Variants in LRRTM2 observed in about 807,000 individuals in gnomAD.
LRRTM2 encodes the protein leucine-rich repeat transmembrane neuronal protein 2.
In LRRTM2, 14 loss-of-function variants were observed where a neutral mutation model predicts 40.7. The observed-to-expected ratio is 0.34, with a 90% confidence interval of 0.23 to 0.54. The LOEUF is 0.54. LRRTM2 is among the 20% of genes least tolerant of loss of function. The pLI is 0.92. For synonymous variants in LRRTM2, 223 were observed against 237.6 expected, an observed-to-expected ratio of 0.94 and a Z score of 0.57; for missense variants, 468 against 624.4, an observed-to-expected ratio of 0.75 and a Z score of 2.67.
chr5:138,870,560 G>A lies in LRRTM2; in HGVS notation c.*2450C>T, dbSNP rs546093807. On this transcript the variant is annotated 3_prime_UTR_variant, in exon 2 of 2. Transcript: ENST00000274711. ...GTACACTAAGGATTTTGCCAGTTAT[G>A]GTCCTTTAAGGATTAAGGTGGAGAT... The A allele has an allele frequency of 2.4e-4, 37 of 152,264 alleles. 1 individual carries two copies. The South Asian group carries it at 3.1e-3, about 13-fold the overall frequency. The allele number at this position is 152,264 out of a possible 1,614,324, so 9.4% of individuals were successfully genotyped here.
In LRRTM2 at chr5:138,873,751, C is replaced by T. The variant is rs1581382828; in HGVS notation, c.810G>A (p.Leu270=). Residue 270 remains leucine, a synonymous_variant, in exon 2 of 2, where the codon TTG becomes TTA. Coordinates refer to ENST00000274711, the MANE Select transcript of LRRTM2 (RefSeq NM_015564.3). This position sits in a 1 kb window ranked among gnomAD's most constrained non-coding sequence, Gnocchi z 6.1. ...GATTGGGCATCGTTTCAAACACTGT[C>T]AAGTCGATGGCTTTGATTTCATTTC... is the stretch of plus-strand genomic sequence containing the variant. The part of the protein sequence containing the change: ...LTGNEIKAID[L]TVFETMPNLK... The T allele has an allele frequency of 6.2e-7, 1 of 1,614,000 alleles. No homozygotes were observed. The highest frequency in any genetic ancestry group is 1.3e-5 in the African/African-American group (1 of 75,040).
rs893104563 is a variant in LRRTM2, at chr5:138,869,751, G to A, written c.*3259C>T. The A allele has an allele frequency of 5.9e-5, 9 of 152,574 alleles. No homozygotes were observed. The highest frequency in any genetic ancestry group is 2.2e-4 in the African/African-American group (9 of 41,450). 9.5% of individuals were successfully genotyped at this position (152,574 alleles called of 1,614,324 possible). A position where few individuals can be genotyped will look rare whatever the true frequency, so the allele number is the denominator to read the frequency against. ...GGATTTTAATAATTAGTGGCGTTGG[G>A]AAGTTCAGTCAATTCCATTTATTGA... On this transcript the variant is annotated 3_prime_UTR_variant, in exon 2 of 2. Coordinates refer to ENST00000274711, the MANE Select transcript of LRRTM2 (RefSeq NM_015564.3).
Position 138,875,138 on chromosome 5 carries a change from T to G in LRRTM2, c.-227A>C. 2.1e-6 allele frequency: 1 copy of G among 476,656 alleles called. No individual in the cohort carries two copies. Among genetic ancestry groups the G allele is most frequent in the Non-Finnish European group, 3.7e-6 (1 of 272,246 alleles). The allele number at this position is 476,656 out of a possible 1,614,324, so 29.5% of individuals were successfully genotyped here. A position where few individuals can be genotyped will look rare whatever the true frequency, so the allele number is the denominator to read the frequency against. ...GTGATTGCTCTGATCCCTAAATCAG[T>G]TTTGAATATAAGTTATTAAATTTCT... On this transcript the variant is annotated 5_prime_UTR_variant, in exon 1 of 2. Coordinates refer to ENST00000274711, the MANE Select transcript of LRRTM2 (RefSeq NM_015564.3).
chr5:138,870,479 G>A lies in LRRTM2; in HGVS notation c.*2531C>T, dbSNP rs1285123759. 1 of 152,266 alleles carries A rather than the reference G, an allele frequency of 6.6e-6. No individual in the cohort carries two copies. The highest frequency in any genetic ancestry group is 2.4e-5 in the African/African-American group (1 of 41,538). The allele number at this position is 152,266 out of a possible 1,614,324, so 9.4% of individuals were successfully genotyped here. A position where few individuals can be genotyped will look rare whatever the true frequency, so the allele number is the denominator to read the frequency against. Reference sequence around the variant, plus strand: ...TGGAAAGTATGCCTCGCTAGCCTTGGCTATGCTGTTCCTCTGAATTAGTAA... The same window carrying A: ...TGGAAAGTATGCCTCGCTAGCCTTGACTATGCTGTTCCTCTGAATTAGTAA... On this transcript the variant is annotated 3_prime_UTR_variant, in exon 2 of 2. Coordinates refer to ENST00000274711, the MANE Select transcript of LRRTM2 (RefSeq NM_015564.3).
rs1472238880 is a variant in LRRTM2 at position 138,874,983 on chromosome 5, C to CT, written c.-73dup. Reference sequence around the variant, plus strand: ...CAACGCAGTGAGTCTGTAAAAGGCTCTAACATGTAGGAGCCTTTGACCAGT... The same window carrying CT: ...CAACGCAGTGAGTCTGTAAAAGGCTCTTAACATGTAGGAGCCTTTGACCAGT... On this transcript the variant is annotated 5_prime_UTR_variant, in exon 1 of 2. An upstream open reading frame in the 5' UTR loses its in-frame stop. Coordinates refer to ENST00000274711, the MANE Select transcript of LRRTM2 (RefSeq NM_015564.3). This position sits in a 1 kb window ranked among gnomAD's most constrained non-coding sequence, Gnocchi z 4.1. 1.9e-6 allele frequency: 3 copies of CT among 1,545,576 alleles called. No individual in the cohort carries two copies. The highest frequency in any genetic ancestry group is 1.7e-5 in the Admixed American group (1 of 58,504).
rs545731102 is a variant in LRRTM2, at chr5:138,870,020, A to G, written c.*2990T>C. ...GGTTTCTAGATGGGTATGGTATCAT[A>G]GTCTTCTTTAGCTTTCCTTTTTCCA... On this transcript the variant is annotated 3_prime_UTR_variant, in exon 2 of 2. Coordinates refer to ENST00000274711, the MANE Select transcript of LRRTM2 (RefSeq NM_015564.3). 1.3e-5 allele frequency: 2 copies of G among 152,658 alleles called. No individual in the cohort carries two copies. Among genetic ancestry groups the G allele is most frequent in the East Asian group, 3.9e-4 (2 of 5,186 alleles). The allele number at this position is 152,658 out of a possible 1,614,324, so 9.5% of individuals were successfully genotyped here.
chr5:138,872,751 C>T lies in LRRTM2; in HGVS notation c.*259G>A, dbSNP rs185124484. 5.3e-3 allele frequency: 1,879 copies of T among 354,390 alleles called. 26 individuals are homozygous for T. Among genetic ancestry groups the T allele is most frequent in the South Asian group, 0.041 (687 of 16,556 alleles). 22.0% of individuals were successfully genotyped at this position (354,390 alleles called of 1,614,324 possible). A position where few individuals can be genotyped will look rare whatever the true frequency, so the allele number is the denominator to read the frequency against. On this transcript the variant is annotated 3_prime_UTR_variant, in exon 2 of 2. Coordinates refer to ENST00000274711, the MANE Select transcript of LRRTM2 (RefSeq NM_015564.3). ...GTTTACACACGATTGTATATAATTACATACATTTCTTATTTTGAAGTAAGC... is the reference window on the plus strand; with the variant it reads ...GTTTACACACGATTGTATATAATTATATACATTTCTTATTTTGAAGTAAGC...
rs557079118 is a variant in LRRTM2, at chr5:138,872,444, C to G, written c.*566G>C. The G allele has an allele frequency of 1.3e-5, 2 of 152,510 alleles. No homozygotes were observed. The highest frequency in any genetic ancestry group is 2.1e-4 in the South Asian group (1 of 4,822). The allele number at this position is 152,510 out of a possible 1,614,324, so 9.4% of individuals were successfully genotyped here. ...TGGACTTTGATAATATCTACTAACC[C>G]AGGCAGAAACTCTGGAAGGAGAATG... On this transcript the variant is annotated 3_prime_UTR_variant, in exon 2 of 2. Coordinates refer to ENST00000274711, the MANE Select transcript of LRRTM2 (RefSeq NM_015564.3).
rs781776155 is a variant in LRRTM2 at position 138,873,423 on chromosome 5, C to T, written c.1138G>A (p.Glu380Lys). ...MATTYRDPTT[E>K]YTKRISSSSY... ...GATGAGCTTATTCTTTTTGTATATT[C>T]AGTGGTTGGATCTCTATAAGTTGTA... The change falls in exon 2 of 2, where the codon GAA becomes AAA. Residue 380 changes from glutamate to lysine, a missense_variant. Coordinates refer to ENST00000274711, the MANE Select transcript of LRRTM2 (RefSeq NM_015564.3). The surrounding 1 kb of genome is among the most constrained non-coding windows in gnomAD (Gnocchi z 6.1). The T allele has an allele frequency of 1.2e-6, 2 of 1,613,986 alleles. No homozygotes were observed. Among genetic ancestry groups the T allele is most frequent in the African/African-American group, 1.3e-5 (1 of 75,050 alleles).
In LRRTM2 at chr5:138,873,640, A is replaced by C; in HGVS notation, c.921T>G (p.Gly307=). The part of the protein sequence containing the change: ...LNSLRSLTTV[G]LSGNLWECSA... ...TGCATTCCCACAGATTGCCAGAGAG[A>C]CCAACGGTTGTGAGGGATCTCAGGG... Residue 307 remains glycine, a synonymous_variant, in exon 2 of 2, where the codon GGT becomes GGG. Coordinates refer to ENST00000274711, the MANE Select transcript of LRRTM2 (RefSeq NM_015564.3). This position sits in a 1 kb window ranked among gnomAD's most constrained non-coding sequence, Gnocchi z 6.1. The C allele has an allele frequency of 6.2e-7, 1 of 1,614,032 alleles. No individual in the cohort carries two copies. The highest frequency in any genetic ancestry group is 8.5e-7 in the Non-Finnish European group (1 of 1,179,894).
In LRRTM2 at chr5:138,873,113, G is replaced by A. The variant is rs779631552; in HGVS notation, c.1448C>T (p.Pro483Leu). Residue 483 changes from proline (P) to leucine (L), a missense_variant, in exon 2 of 2, where the codon CCG becomes CTG. Coordinates refer to ENST00000274711, the MANE Select transcript of LRRTM2 (RefSeq NM_015564.3). The surrounding 1 kb of genome is among the most constrained non-coding windows in gnomAD (Gnocchi z 6.1). The stretch of plus-strand genomic sequence containing the variant: ...ATGGGTGGGTTCATATTCATTATAC[G>A]GTCCTTGGTCTGACATGTTTGACAT... ...LHMSNMSDQG[P>L]YNEYEPTHEG... 5 of 1,613,904 alleles carry A rather than the reference G, an allele frequency of 3.1e-6. No homozygotes were observed. The highest frequency in any genetic ancestry group is 4.2e-6 in the Non-Finnish European group (5 of 1,179,858).
At position 138,874,915 on chromosome 5, in the gene LRRTM2, TC is replaced by T; in HGVS notation, c.-5del. 1 of 1,613,734 alleles carries T rather than the reference TC, an allele frequency of 6.2e-7. No individual in the cohort carries two copies. The highest frequency in any genetic ancestry group is 8.5e-7 in the Non-Finnish European group (1 of 1,179,776). ...ATAAATGCACAGACTTACCCATTCT[TC>T]TGAGCACATTGGAGGCTGCATTCAG... is the stretch of plus-strand genomic sequence containing the variant. On this transcript the variant is annotated 5_prime_UTR_variant, in exon 1 of 2. Coordinates refer to ENST00000274711, the MANE Select transcript of LRRTM2 (RefSeq NM_015564.3). This position sits in a 1 kb window ranked among gnomAD's most constrained non-coding sequence, Gnocchi z 4.1.
rs902167163 is a variant in LRRTM2 at position 138,872,030 on chromosome 5, G to C, written c.*980C>G. 1.2e-5 allele frequency: 1 copy of C among 85,296 alleles called. No homozygotes were observed. Among genetic ancestry groups the C allele is most frequent in the African/African-American group, 7.1e-5 (1 of 14,098 alleles). 5.3% of individuals were successfully genotyped at this position (85,296 alleles called of 1,614,324 possible). A position where few individuals can be genotyped will look rare whatever the true frequency, so the allele number is the denominator to read the frequency against. On this transcript the variant is annotated 3_prime_UTR_variant, in exon 2 of 2. Transcript: ENST00000274711. Reference sequence around the variant, plus strand: ...TAGTTGAGAGAGAGAGCGCGAGAGTGTGTGTGTGTGTGTGTGTGTGTGTGT... The same window carrying C: ...TAGTTGAGAGAGAGAGCGCGAGAGTCTGTGTGTGTGTGTGTGTGTGTGTGT...
chr5:138,873,723 T>G lies in LRRTM2; in HGVS notation c.838A>C (p.Lys280Gln). 1 of 1,614,064 alleles carries G rather than the reference T, an allele frequency of 6.2e-7. No homozygotes were observed. The highest frequency in any genetic ancestry group is 8.5e-7 in the Non-Finnish European group (1 of 1,179,910). The change falls in exon 2 of 2, where the codon AAA (lysine) becomes CAA (glutamine). Residue 280 changes from lysine (K) to glutamine (Q), a missense_variant. Transcript: ENST00000274711. This position sits in a 1 kb window ranked among gnomAD's most constrained non-coding sequence, Gnocchi z 6.1. ...TTGTTGTTATCCATGAGGAGTATTTTAAGATTGGGCATCGTTTCAAACACT... is the reference window on the plus strand; with the variant it reads ...TTGTTGTTATCCATGAGGAGTATTTGAAGATTGGGCATCGTTTCAAACACT... Reference protein sequence around the residue: ...LTVFETMPNLKILLMDNNKLN... With the variant: ...LTVFETMPNLQILLMDNNKLN...
At position 138,874,000 on chromosome 5, in the gene LRRTM2, A is replaced by G. The variant is rs906512473; in HGVS notation, c.561T>C (p.Asp187=). 1 of 1,613,878 alleles carries G rather than the reference A, an allele frequency of 6.2e-7. No individual in the cohort carries two copies. The highest frequency in any genetic ancestry group is 1.3e-5 in the African/African-American group (1 of 74,912). The change falls in exon 2 of 2, where the codon GAT becomes GAC. Residue 187 remains aspartate (D), a synonymous_variant. Coordinates refer to ENST00000274711, the MANE Select transcript of LRRTM2 (RefSeq NM_015564.3). The surrounding 1 kb of genome is among the most constrained non-coding windows in gnomAD (Gnocchi z 6.1). ...AACTTCGCAAACGATTTGTGCTCAA[A>G]TCCAGAAACTCCAGACTACGACAGT... ...FWDCRSLEFL[D]LSTNRLRSLA... is the part of the protein sequence containing the mutation.
Position 138,873,154 on chromosome 5 carries a change from G to A in LRRTM2, c.1407C>T (p.Ser469=). Residue 469 remains serine, a synonymous_variant, in exon 2 of 2, where the codon TCC becomes TCT. Coordinates refer to ENST00000274711, the MANE Select transcript of LRRTM2 (RefSeq NM_015564.3). This position sits in a 1 kb window ranked among gnomAD's most constrained non-coding sequence, Gnocchi z 6.1. ...TGTTTGACATATGGAGTCGTGTTTG[G>A]GATCGGAGCTGCCTGTGGTTCTGAA... ...SMVQNHRQLR[S]QTRLHMSNMS... 3 of 1,613,966 alleles carry A rather than the reference G, an allele frequency of 1.9e-6. No individual in the cohort carries two copies. The highest frequency in any genetic ancestry group is 2.5e-6 in the Non-Finnish European group (3 of 1,179,886).
Position 138,870,758 on chromosome 5 carries a change from A to G in LRRTM2, c.*2252T>C, listed in dbSNP as rs540048316. The G allele has an allele frequency of 3.3e-5, 5 of 152,328 alleles. No homozygotes were observed. Among genetic ancestry groups the G allele is most frequent in the Admixed American group, 2.0e-4 (3 of 15,304 alleles). The allele number at this position is 152,328 out of a possible 1,614,324, so 9.4% of individuals were successfully genotyped here. A position where few individuals can be genotyped will look rare whatever the true frequency, so the allele number is the denominator to read the frequency against. On this transcript the variant is annotated 3_prime_UTR_variant, in exon 2 of 2. Coordinates refer to ENST00000274711, the MANE Select transcript of LRRTM2 (RefSeq NM_015564.3). Reference sequence around the variant, plus strand: ...GCTGTCTGTCACCTGACAAATGGCAATGGTCATCCTGATAAATGGGTTGGT... The same window carrying G: ...GCTGTCTGTCACCTGACAAATGGCAGTGGTCATCCTGATAAATGGGTTGGT...
At position 138,873,437 on chromosome 5, in the gene LRRTM2, C is replaced by CTA; in HGVS notation, c.1122_1123dup (p.Arg375IlefsTer12). 6.2e-7 allele frequency: 1 copy of CTA among 1,613,974 alleles called. No individual in the cohort carries two copies. The highest frequency in any genetic ancestry group is 8.5e-7 in the Non-Finnish European group (1 of 1,179,888). On this transcript the variant is annotated frameshift_variant, in exon 2 of 2. Transcript: ENST00000274711. LOFTEE classifies it high-confidence loss of function. The surrounding 1 kb of genome is among the most constrained non-coding windows in gnomAD (Gnocchi z 6.1). Reference sequence around the variant, plus strand: ...TTTTGTATATTCAGTGGTTGGATCTCTATAAGTTGTAGCCATGACAGTGAC... The same window carrying CTA: ...TTTTGTATATTCAGTGGTTGGATCTCTATATAAGTTGTAGCCATGACAGTGAC...
rs1206202578 is a variant in LRRTM2 at position 138,870,370 on chromosome 5, C to G, written c.*2640G>C. 6.6e-6 allele frequency: 1 copy of G among 152,186 alleles called. No homozygotes were observed. The highest frequency in any genetic ancestry group is 2.4e-5 in the African/African-American group (1 of 41,448). 9.4% of individuals were successfully genotyped at this position (152,186 alleles called of 1,614,324 possible). A position where few individuals can be genotyped will look rare whatever the true frequency, so the allele number is the denominator to read the frequency against. On this transcript the variant is annotated 3_prime_UTR_variant, in exon 2 of 2. Transcript: ENST00000274711. ...TGCTTTTAAATGAGAAAGGAAAATACCTTTTTGGTACTACTGTCATTCACT... is the reference window on the plus strand; with the variant it reads ...TGCTTTTAAATGAGAAAGGAAAATAGCTTTTTGGTACTACTGTCATTCACT...
Sources: gnomAD v4.1 joint callset for allele counts on GRCh38, gnomAD v4.1.1 for gene constraint, Gnocchi (gnomAD v3.1) non-coding constraint, MANE v1.5 for transcripts, NCBI Gene and HGNC (gene_info 2026-07-23, HGNC 2026-07-21) for gene names.